Variants in CTNNA2 observed in about 807,000 individuals in gnomAD.
CTNNA2 encodes the protein catenin alpha-2.
Under a neutral mutation model 101.0 loss-of-function variants are expected in CTNNA2, and 42 were observed. The observed-to-expected ratio is 0.42, with a 90% confidence interval of 0.32 to 0.54. The LOEUF (loss-of-function observed/expected upper bound fraction) is 0.54. CTNNA2 is among the 20% of genes least tolerant of loss of function. CTNNA2 has a pLI of 0.14. For missense variants in CTNNA2, 871 were observed against 1,223.1 expected, an observed-to-expected ratio of 0.71 and a Z score of 4.29; for synonymous variants, 450 against 456.4, an observed-to-expected ratio of 0.99 and a Z score of 0.18.
intron 7 of CTNNA2, among the ~76,000 whole-genome samples, chr2:80,168,362 A>C (rs1015374930): frequency 6.6e-6 from 1 of 152,130 alleles, no homozygotes; most frequent in Non-Finnish European, 1.5e-5. Context: ...AAAGAAAGAA[A>C]ATATCTATAA....
At chr2:80,013,649 C>T (rs2104039501) in intron 7 of CTNNA2, among the ~76,000 whole-genome samples, 1 of 152,266 alleles carries the variant, frequency 6.6e-6, no homozygotes, top group African/African-American at 2.4e-5. Context: ...TCTCTTCCAC[C>T]CACGTAATTT....
chr2:79,486,542 C>A (rs914849131), intron 4 of CTNNA2, among the ~76,000 whole-genome samples: 6 of 152,132 alleles, frequency 3.9e-5, no homozygotes, highest in Non-Finnish European at 8.8e-5. Flanking sequence ...CATACGTGGG[C>A]ATGTGTCTTT....
At chr2:80,094,586 T>C (rs1332834159) in intron 7 of CTNNA2, among the ~76,000 whole-genome samples, 1 of 152,180 alleles carries the variant, frequency 6.6e-6, no homozygotes, top group African/African-American at 2.4e-5. Flanking sequence ...AATCTATAAA[T>C]TACCTTGGGC....
chr2:79,448,861 T>C (rs1678859843), intron 4 of CTNNA2, among the ~76,000 whole-genome samples: 1 of 152,036 alleles, frequency 6.6e-6, no homozygotes, highest in Non-Finnish European at 1.5e-5. Context: ...GATTCAGACT[T>C]GTCTACGTTT....
At chr2:80,097,572 G>A (rs1056287466) in intron 7 of CTNNA2, among the ~76,000 whole-genome samples, 2 of 152,132 alleles carry the variant, frequency 1.3e-5, no homozygotes, top group East Asian at 3.9e-4. Flanking sequence ...GATTGGAGAA[G>A]TTCTCCTGGA....
intron 2 of CTNNA2, among the ~76,000 whole-genome samples, chr2:79,219,462 C>T (rs1000346914): frequency 1.3e-5 from 2 of 152,054 alleles, no homozygotes; most frequent in Non-Finnish European, 2.9e-5. Flanking sequence ...TTTATTTTAC[C>T]TTAGTTTAAT....
At chr2:79,336,155 T>C (rs1676989995) in intron 3 of CTNNA2, among the ~76,000 whole-genome samples, 1 of 152,190 alleles carries the variant, frequency 6.6e-6, no homozygotes, top group African/African-American at 2.4e-5. Context: ...CCTTTAGTAA[T>C]GCAATTCATC....
chr2:80,114,125 T>C (rs1701376192), intron 7 of CTNNA2, among the ~76,000 whole-genome samples: 2 of 152,214 alleles, frequency 1.3e-5, no homozygotes, highest in Admixed American at 1.3e-4. Context: ...CTAAATAATG[T>C]ACATTGTTCT....
At chr2:80,287,889 A>G (rs1300858929) in intron 7 of CTNNA2, among the ~76,000 whole-genome samples, 24 of 152,208 alleles carry the variant, frequency 1.6e-4, no homozygotes, top group Admixed American at 1.6e-3. Flanking sequence ...TAACCTGCTC[A>G]AAGTTCAGCA....
At chr2:80,568,106 A>G (rs1033536867) in intron 12 of CTNNA2, among the ~76,000 whole-genome samples, 1 of 152,194 alleles carries the variant, frequency 6.6e-6, no homozygotes. Flanking sequence ...TTCTTGCTCA[A>G]TGGTGATGCT....
intron 2 of CTNNA2, among the ~76,000 whole-genome samples, chr2:79,228,850 T>C (rs1674454516): frequency 6.6e-6 from 1 of 152,166 alleles, no homozygotes; most frequent in Non-Finnish European, 1.5e-5. Context: ...GAAGGGTATC[T>C]CCTAGGTTTC....
chr2:80,378,630 T>C (rs1398489012), intron 7 of CTNNA2: 1 of 152,136 alleles, frequency 6.6e-6, no homozygotes, highest in African/African-American at 2.4e-5. Flanking sequence ...AAAAATCCAG[T>C]TTTCCATAGG....
rs563794319 is a variant in CTNNA2, at chr2:79,858,315, G to A, written c.465+136G>A. 6.9e-5 allele frequency: 34 copies of A among 490,226 alleles called. No individual in the cohort carries two copies. The South Asian group carries it at 1.2e-3, about 17-fold the overall frequency. 30.4% of individuals were successfully genotyped at this position (490,226 alleles called of 1,614,324 possible). A position where few individuals can be genotyped will look rare whatever the true frequency, so the allele number is the denominator to read the frequency against. The stretch of plus-strand genomic sequence containing the variant: ...CATTACCTACCCATGTGGTGCCCAC[G>A]TCCAATTTTTTCTAATAATAAAATT... On this transcript the variant is annotated intron_variant, in intron 4 of 18. Transcript: ENST00000402739.
chr2:79,272,036 G>T (rs1366157211), intron 2 of CTNNA2, among the ~76,000 whole-genome samples: 1 of 151,956 alleles, frequency 6.6e-6, no homozygotes, highest in Non-Finnish European at 1.5e-5. Flanking sequence ...GTGACTTACA[G>T]CAATAATAAT....
chr2:79,768,873 G>C lies in CTNNA2; in HGVS notation c.298+24291G>C, dbSNP rs1673360777. ...CTGTTTTGTTTTGCTTATGTTTTTTGAGACTGAGTCTCACTCTGTCGCCCA... is the reference window on the plus strand; with the variant it reads ...CTGTTTTGTTTTGCTTATGTTTTTTCAGACTGAGTCTCACTCTGTCGCCCA... On this transcript the variant is annotated intron_variant, in intron 3 of 18. Coordinates refer to ENST00000402739, the MANE Select transcript of CTNNA2 (RefSeq NM_001282597.3). Among the ~76,000 whole-genome samples the C allele has an allele frequency of 2.6e-5, 4 of 152,036 alleles. 1 individual carries two copies. The highest frequency in any genetic ancestry group is 9.7e-5 in the African/African-American group (4 of 41,390).
intron 7 of CTNNA2, among the ~76,000 whole-genome samples, chr2:80,045,989 A>C (rs1456622095): frequency 6.6e-6 from 1 of 152,226 alleles, no homozygotes; most frequent in African/African-American, 2.4e-5. Context: ...GCAGAGCATC[A>C]GACAGATGAT....
At chr2:79,384,844 T>A (rs1678079892) in intron 4 of CTNNA2, among the ~76,000 whole-genome samples, 1 of 152,164 alleles carries the variant, frequency 6.6e-6, no homozygotes, top group Admixed American at 6.5e-5. Flanking sequence ...AACAGACTAG[T>A]TCACATTAAC....
At chr2:80,352,481 G>A (rs1230904455) in intron 7 of CTNNA2, among the ~76,000 whole-genome samples, 1 of 152,090 alleles carries the variant, frequency 6.6e-6, no homozygotes, top group Non-Finnish European at 1.5e-5. Context: ...AAGCCAACTA[G>A]CAGCAGTCAT....
chr2:79,577,229 A>C (rs1024984577), intron 1 of CTNNA2, among the ~76,000 whole-genome samples: 3 of 152,104 alleles, frequency 2.0e-5, no homozygotes, highest in African/African-American at 7.2e-5. Context: ...TAGTTTCAAA[A>C]TGTTTAATGC....
Sources: gnomAD v4.1 joint callset for allele counts (sites outside exome capture counted in the v4.1 genomes callset) on GRCh38, gnomAD v4.1.1 for gene constraint, MANE v1.5 for transcripts, NCBI Gene and HGNC (gene_info 2026-07-23, HGNC 2026-07-21) for gene names.